The following SGCZ variants were observed in gnomAD, a reference collection of about 807,000 sequenced individuals.
SGCZ encodes sarcoglycan zeta.
SGCZ carries 40 observed loss-of-function variants against 41.3 expected under a neutral mutation model. That is an observed-to-expected ratio of 0.97 (90% confidence interval 0.75 to 1.26). The LOEUF is 1.26. Ranked by LOEUF, SGCZ falls within the 50% of genes most tolerant of loss-of-function variation. The pLI, the probability that SGCZ is intolerant of heterozygous loss-of-function variation, is 0.00. For synonymous variants in SGCZ, 206 were observed against 137.5 expected (o/e 1.50, Z -3.49); for missense variants, 552 against 369.8 (o/e 1.49, Z -4.04).
At chr8:14,800,654 T>C (rs1801291966) in intron 1 of SGCZ, among the ~76,000 whole-genome samples, 1 of 152,174 alleles carries the variant, frequency 6.6e-6, no homozygotes, top group South Asian at 2.1e-4. Context: ...CTTTCTCTCC[T>C]TCTGCCATGT....
chr8:15,223,856 T>G (rs999185430), intron 1 of SGCZ, among the ~76,000 whole-genome samples: 1 of 149,684 alleles, frequency 6.7e-6, no homozygotes, highest in African/African-American at 2.5e-5. Context: ...CTTTTTAAAT[T>G]TTTATTTATT....
chr8:14,364,525 A>AT (rs966449681), intron 2 of SGCZ, among the ~76,000 whole-genome samples: 2 of 151,982 alleles, frequency 1.3e-5, no homozygotes, highest in Admixed American at 6.6e-5. Context: ...GATGTGATAT[A>AT]TTTTTTTTCT....
intron 1 of SGCZ, among the ~76,000 whole-genome samples, chr8:15,233,639 C>G (rs1232903433): frequency 1.3e-5 from 2 of 151,934 alleles, no homozygotes; most frequent in African/African-American, 4.8e-5. Context: ...GCAACAGTGA[C>G]TGGACTACAT....
At chr8:15,236,924 T>A (rs1346144960) in intron 1 of SGCZ, among the ~76,000 whole-genome samples, 2 of 151,936 alleles carry the variant, frequency 1.3e-5, no homozygotes, top group Non-Finnish European at 2.9e-5. Context: ...CCTGCCCGAG[T>A]CCCCGGACCT....
At chr8:15,183,161 T>C (rs1277375078) in intron 1 of SGCZ, among the ~76,000 whole-genome samples, 2 of 116,286 alleles carry the variant, frequency 1.7e-5, no homozygotes, top group Non-Finnish European at 3.4e-5. Context: ...TACAGTTAAC[T>C]TTTTTTATAA....
chr8:14,625,221 T>G (rs1178770931), intron 1 of SGCZ, among the ~76,000 whole-genome samples: 5 of 152,186 alleles, frequency 3.3e-5, no homozygotes, highest in Non-Finnish European at 7.3e-5. Flanking sequence ...CAACATTTTT[T>G]AACATACTAC....
chr8:14,487,267 CTAAA>C (rs1342716130), intron 2 of SGCZ, among the ~76,000 whole-genome samples: 1 of 151,996 alleles, frequency 6.6e-6, no homozygotes, highest in Non-Finnish European at 1.5e-5. Context: ...TATTGGTACT[CTAAA>C]TAAGAATATG....
At chr8:14,889,319 A>T (rs760656316) in intron 1 of SGCZ, among the ~76,000 whole-genome samples, 5 of 152,286 alleles carry the variant, frequency 3.3e-5, no homozygotes, top group Non-Finnish European at 7.4e-5. Flanking sequence ...GATAGATAAA[A>T]ATCCTGTAAA....
chr8:14,944,748 C>G (rs1044297985), intron 1 of SGCZ, among the ~76,000 whole-genome samples: 2 of 152,066 alleles, frequency 1.3e-5, no homozygotes, highest in African/African-American at 4.8e-5. Context: ...TCTGAAAGTG[C>G]GTCCCTTTTC....
At chr8:14,318,936 T>C (rs1292650828) in intron 3 of SGCZ, among the ~76,000 whole-genome samples, 1 of 137,028 alleles carries the variant, frequency 7.3e-6, no homozygotes, top group African/African-American at 2.8e-5. Flanking sequence ...GATTCACTAT[T>C]ATACAAAAAA....
chr8:14,456,585 G>A (rs533177268), intron 2 of SGCZ, among the ~76,000 whole-genome samples: 3 of 152,222 alleles, frequency 2.0e-5, no homozygotes, highest in South Asian at 4.1e-4. Flanking sequence ...AGACTTTAAC[G>A]AGATTGGTTA....
intron 2 of SGCZ, among the ~76,000 whole-genome samples, chr8:14,436,786 T>C (rs1800106522): frequency 6.6e-6 from 1 of 152,204 alleles, no homozygotes; most frequent in Non-Finnish European, 1.5e-5. Flanking sequence ...CTTTAGTACA[T>C]TGGTGGTTTA....
intron 1 of SGCZ, among the ~76,000 whole-genome samples, chr8:14,814,334 G>T (rs1206950407): frequency 6.6e-6 from 1 of 152,098 alleles, no homozygotes; most frequent in African/African-American, 2.4e-5. Context: ...CTAGGGCCCT[G>T]TTTGAGTTTT....
intron 1 of SGCZ, among the ~76,000 whole-genome samples, chr8:15,060,245 A>G (rs1369816394): frequency 6.6e-6 from 1 of 152,100 alleles, no homozygotes; most frequent in Admixed American, 6.6e-5. Flanking sequence ...CACTACTCAC[A>G]ATAGCAAAGA....
chr8:14,881,193 C>G lies in SGCZ; in HGVS notation c.40-326267G>C, dbSNP rs141450861. On this transcript the variant is annotated intron_variant, in intron 1 of 7. Coordinates refer to ENST00000382080, the MANE Select transcript of SGCZ (RefSeq NM_139167.4). Reference sequence around the variant, plus strand: ...ATTAGTATGTACATATTGTTGCATACTAATTTTAATAATGACAAGTATGTT... The same window carrying G: ...ATTAGTATGTACATATTGTTGCATAGTAATTTTAATAATGACAAGTATGTT... Among the ~76,000 whole-genome samples the G allele has an allele frequency of 8.8e-4, 134 of 152,146 alleles. 1 individual carries two copies. Among genetic ancestry groups the G allele is most frequent in the Non-Finnish European group, 1.4e-3 (95 of 67,998 alleles).
At chr8:14,583,107 T>G (rs1435751664) in intron 1 of SGCZ, among the ~76,000 whole-genome samples, 1 of 150,278 alleles carries the variant, frequency 6.7e-6, no homozygotes, top group Non-Finnish European at 1.5e-5. Flanking sequence ...ATGGTTGAAC[T>G]AGTTTACAGT....
intron 1 of SGCZ, among the ~76,000 whole-genome samples, chr8:14,820,874 AAC>A (rs1491017692): frequency 1.2e-3 from 182 of 148,220 alleles, no homozygotes; most frequent in African/African-American, 4.2e-3. Context: ...TAGATCAAAA[AAC>A]AAAAAAAGAT....
rs560231372 is a variant in SGCZ at position 14,090,030 on chromosome 8, T to C, written c.*413A>G. On this transcript the variant is annotated 3_prime_UTR_variant, in exon 8 of 8. Coordinates refer to ENST00000382080, the MANE Select transcript of SGCZ (RefSeq NM_139167.4). Reference sequence around the variant, plus strand: ...AATGGAAAATTGTGCTTTCAGAATGTAGAATAAGTTTTCTTACAGGGTTAA... The same window carrying C: ...AATGGAAAATTGTGCTTTCAGAATGCAGAATAAGTTTTCTTACAGGGTTAA... 1.3e-5 allele frequency: 2 copies of C among 154,334 alleles called. No individual in the cohort carries two copies. Among genetic ancestry groups the C allele is most frequent in the Middle Eastern group, 3.1e-3 (1 of 322 alleles). The allele number at this position is 154,334 out of a possible 1,614,324, so 9.6% of individuals were successfully genotyped here. A position where few individuals can be genotyped will look rare whatever the true frequency, so the allele number is the denominator to read the frequency against.
chr8:14,242,274 A>C (rs1209247781), intron 3 of SGCZ, among the ~76,000 whole-genome samples: 1 of 152,206 alleles, frequency 6.6e-6, no homozygotes, highest in Non-Finnish European at 1.5e-5. Context: ...CAGTGGTACA[A>C]ACAGCAACCA....
Sources: gnomAD v4.1 joint callset for allele counts (sites outside exome capture counted in the v4.1 genomes callset) on GRCh38, gnomAD v4.1.1 for gene constraint, MANE v1.5 for transcripts, NCBI Gene and HGNC (gene_info 2026-07-23, HGNC 2026-07-21) for gene names.